Variants in UNC5C observed in about 807,000 individuals in gnomAD.
UNC5C encodes netrin receptor UNC5C.
Under a neutral mutation model 99.8 loss-of-function variants are expected in UNC5C, and 47 were observed. The observed-to-expected ratio is 0.47, with a 90% CI of 0.37 to 0.60. UNC5C has a LOEUF of 0.60. Ranked by LOEUF, UNC5C falls within the 20% of genes least tolerant of loss-of-function variation. The pLI is 0.00. For missense variants in UNC5C, 1,062 were observed against 1,165.9 expected (o/e 0.91, Z 1.30); for synonymous variants, 487 against 452.2 (o/e 1.08, Z -0.98).
At chr4:95,350,513 T>C (rs560896580) in intron 1 of UNC5C, among the ~76,000 whole-genome samples, 22 of 151,936 alleles carry the variant, frequency 1.4e-4, no homozygotes, top group African/African-American at 4.3e-4. Context: ...ACCATTTCCT[T>C]ACTCCCTATT....
chr4:95,176,823 G>C (rs983661115), intron 14 of UNC5C, among the ~76,000 whole-genome samples: 1 of 152,218 alleles, frequency 6.6e-6, no homozygotes, highest in Non-Finnish European at 1.5e-5. Flanking sequence ...GGGCAATGGC[G>C]GGGGCCCCTC....
intron 1 of UNC5C, among the ~76,000 whole-genome samples, chr4:95,377,032 T>C (rs1744915950): frequency 6.6e-6 from 1 of 152,136 alleles, no homozygotes; most frequent in African/African-American, 2.4e-5. Context: ...CTAGACACAC[T>C]GGTATAGGGA....
chr4:95,395,358 A>C (rs1373504291), intron 1 of UNC5C, among the ~76,000 whole-genome samples: 1 of 152,180 alleles, frequency 6.6e-6, no homozygotes, highest in Non-Finnish European at 1.5e-5. Context: ...CACAGGTTTT[A>C]TCAAAGCATT....
At chr4:95,205,117 G>A (rs1002549504) in intron 11 of UNC5C, among the ~76,000 whole-genome samples, 1 of 152,094 alleles carries the variant, frequency 6.6e-6, no homozygotes, top group African/African-American at 2.4e-5. Context: ...AAAGAGTAAC[G>A]ATGCCCACGT....
chr4:95,393,077 C>T (rs930343007), intron 1 of UNC5C, among the ~76,000 whole-genome samples: 2 of 152,126 alleles, frequency 1.3e-5, no homozygotes, highest in African/African-American at 4.8e-5. Context: ...GGGATTTCTA[C>T]CCTTGGGGAA....
At chr4:95,295,940 G>C (rs1741654393) in intron 3 of UNC5C, among the ~76,000 whole-genome samples, 1 of 152,082 alleles carries the variant, frequency 6.6e-6, no homozygotes, top group Non-Finnish European at 1.5e-5. Flanking sequence ...ACAAAAATTA[G>C]CCAGGGATGG....
chr4:95,226,468 C>G (rs1428067369), intron 7 of UNC5C, among the ~76,000 whole-genome samples: 1 of 152,150 alleles, frequency 6.6e-6, no homozygotes, highest in Non-Finnish European at 1.5e-5. Flanking sequence ...ATGCACGTTA[C>G]TAAGGTATAC....
intron 1 of UNC5C, among the ~76,000 whole-genome samples, chr4:95,511,251 C>A (rs1722062713): frequency 6.6e-6 from 1 of 151,852 alleles, no homozygotes; most frequent in Non-Finnish European, 1.5e-5. Flanking sequence ...GCAACACTTG[C>A]ATATTTTTAA....
At chr4:95,276,252 A>G (rs1740856339) in intron 4 of UNC5C, among the ~76,000 whole-genome samples, 1 of 152,226 alleles carries the variant, frequency 6.6e-6, no homozygotes, top group Non-Finnish European at 1.5e-5. Context: ...GCTCTTGAGC[A>G]TGTATGTTTG....
intron 1 of UNC5C, among the ~76,000 whole-genome samples, chr4:95,492,332 AT>A (rs1721515972): frequency 1.3e-5 from 2 of 151,356 alleles, no homozygotes; most frequent in Admixed American, 1.3e-4. Flanking sequence ...TTCTTTAAAA[AT>A]TAGAATGTGC....
chr4:95,468,741 C>A (rs907739743), intron 1 of UNC5C, among the ~76,000 whole-genome samples: 3 of 152,072 alleles, frequency 2.0e-5, no homozygotes, highest in Non-Finnish European at 2.9e-5. Context: ...CTTAATGACA[C>A]CTGATCTAGA....
intron 12 of UNC5C, among the ~76,000 whole-genome samples, chr4:95,190,811 C>T (rs971973429): frequency 2.0e-5 from 3 of 152,146 alleles, no homozygotes; most frequent in Admixed American, 6.5e-5. Context: ...GGGCCTCTTT[C>T]CCCACTGCGG....
intron 7 of UNC5C, among the ~76,000 whole-genome samples, chr4:95,225,155 C>T (rs1738636342): frequency 6.6e-6 from 1 of 152,172 alleles, no homozygotes; most frequent in Non-Finnish European, 1.5e-5. Context: ...CTCCCGGGTT[C>T]AAGCGATTCT....
intron 1 of UNC5C, among the ~76,000 whole-genome samples, chr4:95,455,605 G>C (rs1747405300): frequency 6.6e-6 from 1 of 151,990 alleles, no homozygotes; most frequent in South Asian, 2.1e-4. Context: ...TCCAGCCTGG[G>C]AGACAGGGCA....
chr4:95,235,135 T>G (rs1257644330), intron 7 of UNC5C, among the ~76,000 whole-genome samples: 1 of 152,218 alleles, frequency 6.6e-6, no homozygotes, highest in Non-Finnish European at 1.5e-5. Context: ...ATGCAAATAC[T>G]TTTTTGGTAA....
intron 1 of UNC5C, among the ~76,000 whole-genome samples, chr4:95,396,612 T>C (rs965791288): frequency 6.6e-6 from 1 of 152,024 alleles, no homozygotes; most frequent in Non-Finnish European, 1.5e-5. Context: ...AGTGAAAACT[T>C]CTATCCCTGT....
At chr4:95,390,424 A>G (rs1353607082) in intron 1 of UNC5C, among the ~76,000 whole-genome samples, 1 of 150,698 alleles carries the variant, frequency 6.6e-6, no homozygotes. Context: ...ACACTTCTTA[A>G]TGATCCCAAT....
chr4:95,409,867 G>A (rs1249887396), intron 1 of UNC5C, among the ~76,000 whole-genome samples: 3 of 152,186 alleles, frequency 2.0e-5, no homozygotes, highest in Non-Finnish European at 4.4e-5. Flanking sequence ...CAGGGCATAA[G>A]CAGTGCTGCT....
At chr4:95,247,653 T>C (rs1313006424) in intron 5 of UNC5C, among the ~76,000 whole-genome samples, 2 of 152,190 alleles carry the variant, frequency 1.3e-5, no homozygotes, top group East Asian at 1.9e-4. Context: ...ACAGAAATAC[T>C]CCTATGACCC....
Sources: allele counts gnomAD v4.1 joint callset (sites outside exome capture counted in the v4.1 genomes callset), GRCh38; gene constraint gnomAD v4.1.1; transcripts MANE v1.5; gene names NCBI Gene and HGNC (gene_info 2026-07-23, HGNC 2026-07-21).